The following CTNNA3 variants were observed in gnomAD, a reference collection of about 807,000 sequenced individuals.
CTNNA3 encodes catenin alpha-3.
In CTNNA3, 76 loss-of-function variants were observed where a neutral mutation model predicts 95.7. That is an observed-to-expected ratio of 0.79 (90% confidence interval 0.66 to 0.96). The LOEUF is 0.96. CTNNA3 is among the 40% of genes least tolerant of loss of function. CTNNA3 has a pLI of 0.00. For missense variants in CTNNA3, 1,191 were observed against 1,089.8 expected (o/e 1.09, Z -1.31); for synonymous variants, 431 against 374.4 (o/e 1.15, Z -1.74).
At chr10:67,026,515 T>C (rs947831321) in intron 7 of CTNNA3, among the ~76,000 whole-genome samples, 3 of 152,106 alleles carry the variant, frequency 2.0e-5, no homozygotes, top group Admixed American at 1.3e-4. Context: ...AAGTTTTAAA[T>C]CTTCATAAAG....
intron 1 of CTNNA3, among the ~76,000 whole-genome samples, chr10:67,740,114 G>C (rs939855385): frequency 6.6e-6 from 1 of 152,144 alleles, no homozygotes; most frequent in African/African-American, 2.4e-5. Flanking sequence ...TATGTAGAAA[G>C]TTGAAACTGG....
At chr10:66,573,835 T>C (rs1842935470) in intron 10 of CTNNA3, among the ~76,000 whole-genome samples, 1 of 152,184 alleles carries the variant, frequency 6.6e-6, no homozygotes, top group Non-Finnish European at 1.5e-5. Context: ...CATGTTACTT[T>C]TTTTAAGCAT....
At chr10:66,212,520 C>T (rs61868378) in intron 13 of CTNNA3, among the ~76,000 whole-genome samples, 23,601 of 151,896 alleles carry the variant, frequency 0.16, 2,282 homozygotes, top group Admixed American at 0.25. Context: ...TTTTATATTT[C>T]GGAGTTGTGT....
intron 4 of CTNNA3, among the ~76,000 whole-genome samples, chr10:67,539,144 T>C (rs1490093738): frequency 6.6e-6 from 1 of 152,126 alleles, no homozygotes; most frequent in Non-Finnish European, 1.5e-5. Context: ...AACTTTAAGG[T>C]TTCTATTTCT....
At chr10:67,379,829 G>A (rs1481922070) in intron 5 of CTNNA3, among the ~76,000 whole-genome samples, 3 of 151,806 alleles carry the variant, frequency 2.0e-5, no homozygotes, top group Non-Finnish European at 4.4e-5. Context: ...AGAGCATCCC[G>A]GCTAAAACGG....
intron 9 of CTNNA3, among the ~76,000 whole-genome samples, chr10:66,728,901 T>C (rs1848863338): frequency 6.6e-6 from 1 of 152,200 alleles, no homozygotes; most frequent in Admixed American, 6.5e-5. Context: ...TTTAAGTTTT[T>C]AATAGATCTT....
chr10:67,746,841 G>A (rs1841377205), intron 1 of CTNNA3, among the ~76,000 whole-genome samples: 1 of 152,200 alleles, frequency 6.6e-6, no homozygotes, highest in Admixed American at 6.5e-5. Context: ...TCATGCAGCT[G>A]CCTAAAATGA....
intron 11 of CTNNA3, among the ~76,000 whole-genome samples, chr10:66,484,987 A>C (rs921363478): frequency 1.3e-5 from 2 of 152,128 alleles, no homozygotes; most frequent in Non-Finnish European, 2.9e-5. Context: ...AACAAAAACT[A>C]TATGGTTATA....
At chr10:66,189,625 TACACAC>T (rs1219028662) in intron 13 of CTNNA3, among the ~76,000 whole-genome samples, 3 of 133,844 alleles carry the variant, frequency 2.2e-5, no homozygotes, top group South Asian at 2.5e-4. Context: ...TATACACACA[TACACAC>T]ACATATACAT....
chr10:66,638,944 T>A (rs776752568), intron 9 of CTNNA3, among the ~76,000 whole-genome samples: 1 of 152,132 alleles, frequency 6.6e-6, no homozygotes, highest in Non-Finnish European at 1.5e-5. Context: ...ACAAACAATA[T>A]GTTTTTTTTA....
At chr10:66,318,723 C>T (rs4297361) in intron 12 of CTNNA3, among the ~76,000 whole-genome samples, 64,717 of 151,834 alleles carry the variant, frequency 0.43, 14,553 homozygotes, top group Non-Finnish European at 0.5. Flanking sequence ...GTTCCCAAGT[C>T]TTAGTATGCA....
chr10:66,129,892 T>C (rs1309752167), intron 13 of CTNNA3, among the ~76,000 whole-genome samples: 1 of 152,092 alleles, frequency 6.6e-6, no homozygotes, highest in Admixed American at 6.5e-5. Context: ...ATCTTGCTTT[T>C]ACTTCCCCGA....
At chr10:67,002,954 G>C (rs533749688) in intron 7 of CTNNA3, among the ~76,000 whole-genome samples, 1 of 152,024 alleles carries the variant, frequency 6.6e-6, no homozygotes, top group African/African-American at 2.4e-5. Context: ...TATACTCTTC[G>C]TAAGACTTGT....
intron 7 of CTNNA3, among the ~76,000 whole-genome samples, chr10:67,080,019 G>GCT (rs989113042): frequency 3.9e-5 from 6 of 151,980 alleles, no homozygotes; most frequent in African/African-American, 1.2e-4. Context: ...GTTTTGTTTT[G>GCT]TTTTCTCCAA....
chr10:67,414,290 G>A (rs570883602), intron 5 of CTNNA3, among the ~76,000 whole-genome samples: 34 of 152,094 alleles, frequency 2.2e-4, no homozygotes, highest in South Asian at 4.2e-4. Context: ...GAACCTCAGA[G>A]ACTACTATGA....
At chr10:65,942,023 G>A (rs1034712796) in intron 17 of CTNNA3, among the ~76,000 whole-genome samples, 2 of 152,084 alleles carry the variant, frequency 1.3e-5, no homozygotes, top group African/African-American at 4.8e-5. Context: ...TTTGCTTACT[G>A]AAATGGTATA....
chr10:65,959,178 G>A (rs1280802587), intron 17 of CTNNA3, among the ~76,000 whole-genome samples: 1 of 152,180 alleles, frequency 6.6e-6, no homozygotes, highest in African/African-American at 2.4e-5. Flanking sequence ...CTGTGGGAGT[G>A]GGACCCTCCG....
chr10:66,206,780 A>T (rs1287233879), intron 13 of CTNNA3, among the ~76,000 whole-genome samples: 1 of 151,858 alleles, frequency 6.6e-6, no homozygotes, highest in Non-Finnish European at 1.5e-5. Context: ...GGTGTTTCTT[A>T]TTCATGGGCA....
intron 7 of CTNNA3, among the ~76,000 whole-genome samples, chr10:67,100,111 C>T (rs1486742783): frequency 1.3e-5 from 2 of 151,724 alleles, no homozygotes; most frequent in Admixed American, 6.6e-5. Flanking sequence ...TTTCTAGACA[C>T]ATTCAAATTG....
Sources: allele counts gnomAD v4.1 joint callset (sites outside exome capture counted in the v4.1 genomes callset), GRCh38; gene constraint gnomAD v4.1.1; transcripts MANE v1.5; gene names NCBI Gene and HGNC (gene_info 2026-07-23, HGNC 2026-07-21).